The following C10orf71 variants were observed in gnomAD, a reference collection of about 807,000 sequenced individuals.
C10orf71 encodes cardiac-enriched FHL2-interacting protein.
For synonymous variants in C10orf71, 758 were observed against 726.3 expected (o/e 1.04, Z -0.70); for missense variants, 1,869 against 1,804.5 (o/e 1.04, Z -0.65).
At position 49,323,462 on chromosome 10, in the gene C10orf71, A is replaced by G; in HGVS notation, c.917A>G (p.Tyr306Cys). The G allele has an allele frequency of 6.2e-7, 1 of 1,614,038 alleles. No homozygotes were observed. The highest frequency in any genetic ancestry group is 1.1e-5 in the South Asian group (1 of 91,084). Residue 306 changes from tyrosine to cysteine, a missense_variant, in exon 3 of 3, where the codon TAT (tyrosine) becomes TGT (cysteine). Transcript: ENST00000374144. ...TVPESKAPKH[Y>C]GDTTLLREPC... The stretch of plus-strand genomic sequence containing the variant: ...CCAGAAAGCAAAGCTCCCAAGCACT[A>G]TGGGGACACGACCTTGCTAAGAGAA...
At chr10:49,312,719 G>A (rs1688336246) in intron 1 of C10orf71, among the ~76,000 whole-genome samples, 1 of 152,150 alleles carries the variant, frequency 6.6e-6, no homozygotes, top group Admixed American at 6.5e-5. Flanking sequence ...GCTGCTGAGG[G>A]ACACCTTCCC....
chr10:49,320,659 G>C (rs1849079512), intron 2 of C10orf71, among the ~76,000 whole-genome samples: 1 of 152,202 alleles, frequency 6.6e-6, no homozygotes, highest in South Asian at 2.1e-4. Context: ...AAACACCACT[G>C]AACTTCAGGC....
At position 49,323,271 on chromosome 10, in the gene C10orf71, G is replaced by C. The variant is rs763477968; in HGVS notation, c.726G>C (p.Thr242=). The C allele has an allele frequency of 2.5e-6, 4 of 1,613,776 alleles. No individual in the cohort carries two copies. Among genetic ancestry groups the C allele is most frequent in the Non-Finnish European group, 3.4e-6 (4 of 1,179,836 alleles). ...GCTTCCTCCCAGCAGCCAATGACAC[G>C]GCCACCTTATGTGAGTCAAAGTTCC... The part of the protein sequence containing the change: ...SSSFLPAAND[T]ATLCESKFPS... Residue 242 remains threonine, a synonymous_variant, in exon 3 of 3, where the codon ACG becomes ACC. Transcript: ENST00000374144.
In C10orf71 at chr10:49,325,362, G is replaced by T. The variant is rs537581571; in HGVS notation, c.2817G>T (p.Gly939=). 1.9e-6 allele frequency: 3 copies of T among 1,551,736 alleles called. No homozygotes were observed. In the East Asian group the frequency reaches 7.3e-5, roughly 38 times the overall value. ...CCAACGAGGTCATGGAGGACCCTGG[G>T]CAGGGGTCGAGCATGGCCAGGATGG... is the stretch of plus-strand genomic sequence containing the variant. ...CMANEVMEDP[G]QGSSMARMEA... is the part of the protein sequence containing the mutation. Residue 939 remains glycine (G), a synonymous_variant, in exon 3 of 3, where the codon GGG becomes GGT. Transcript: ENST00000374144.
At chr10:49,322,107 T>C (rs1415131422) in intron 2 of C10orf71, among the ~76,000 whole-genome samples, 1 of 152,250 alleles carries the variant, frequency 6.6e-6, no homozygotes, top group African/African-American at 2.4e-5. Flanking sequence ...TTGTTTGTGT[T>C]GCTTGCGAAC....
rs758897625 is a variant in C10orf71, at chr10:49,323,157, C to T, written c.612C>T (p.Asn204=). 11 of 1,613,848 alleles carry T rather than the reference C, an allele frequency of 6.8e-6. No individual in the cohort carries two copies. The highest frequency in any genetic ancestry group is 3.3e-5 in the Admixed American group (2 of 60,006). Residue 204 remains asparagine, a synonymous_variant, in exon 3 of 3, where the codon AAC becomes AAT. Transcript: ENST00000374144. ...TVRRVPAEVS[N]THQNSYQPGR... The stretch of plus-strand genomic sequence containing the variant: ...GGAGGGTGCCCGCTGAAGTTTCCAA[C>T]ACCCATCAGAACAGCTACCAGCCAG...
In C10orf71 at chr10:49,327,025, A is replaced by G. The variant is rs1241012640; in HGVS notation, c.*172A>G. 6.3e-7 allele frequency: 1 copy of G among 1,577,930 alleles called. No homozygotes were observed. The highest frequency in any genetic ancestry group is 8.6e-7 in the Non-Finnish European group (1 of 1,159,532). ...AGTCCAGAAGGCAGTAGGGATCCCA[A>G]GACGACCTCACCCAAAGGGCTCCCT... On this transcript the variant is annotated 3_prime_UTR_variant, in exon 3 of 3. Transcript: ENST00000374144.
At chr10:49,301,536 T>C (rs2132395479) in intron 1 of C10orf71, among the ~76,000 whole-genome samples, 1 of 152,286 alleles carries the variant, frequency 6.6e-6, no homozygotes, top group East Asian at 1.9e-4. Context: ...TGTTCAGATG[T>C]GTCACCCCCA....
rs546401015 is a variant in C10orf71 at position 49,325,451 on chromosome 10, G to A, written c.2906G>A (p.Arg969Gln). The stretch of plus-strand genomic sequence containing the variant: ...ATGCCTCTGGTGGGAGAGGGGGACC[G>A]GGTGAAGGCACCACCAGATGCTGCA... ...PSMPLVGEGD[R>Q]VKAPPDAAPG... The change falls in exon 3 of 3, where the codon CGG becomes CAG. Residue 969 changes from arginine (R) to glutamine (Q), a missense_variant. Physicochemically the swap from Arg to Gln is conservative, Grantham distance 43. Transcript: ENST00000374144. 1.2e-5 allele frequency: 19 copies of A among 1,550,092 alleles called. No homozygotes were observed. In the East Asian group the frequency reaches 2.0e-4, roughly 16 times the overall value.
upstream of C10orf71, among the ~76,000 whole-genome samples, chr10:49,298,024 G>C (rs544501661): frequency 6.6e-6 from 1 of 152,244 alleles, no homozygotes; most frequent in Non-Finnish European, 1.5e-5. Context: ...TTAGTCTGCA[G>C]GGCAAGGAGG....
chr10:49,321,115 A>G (rs759402673), intron 2 of C10orf71, among the ~76,000 whole-genome samples: 7 of 152,048 alleles, frequency 4.6e-5, no homozygotes, highest in Non-Finnish European at 1.0e-4. Context: ...TTTCAAGCAC[A>G]TAACACAGTA....
At position 49,326,471 on chromosome 10, in the gene C10orf71, AGGTCTCCATCCCGTCCTCCGAGGG is replaced by A. The variant is rs1384020093; in HGVS notation, c.3929_3952del (p.Val1310_Gly1317del). On this transcript the variant is annotated inframe_deletion, in exon 3 of 3. Transcript: ENST00000374144. ...GACCCAGAGACGGGCAAGTATGTCA[AGGTCTCCATCCCGTCCTCCGAGGG>A]GGCCTCCCCAGAGCCGCCCCCACCG... The A allele has an allele frequency of 4.5e-5, 69 of 1,550,176 alleles. No homozygotes were observed. The highest frequency in any genetic ancestry group is 5.7e-5 in the Non-Finnish European group (65 of 1,146,812).
chr10:49,302,555 C>T lies in C10orf71; in HGVS notation c.-248+3322C>T, dbSNP rs114236503. Reference sequence around the variant, plus strand: ...CAGCACGGTAGGTCTTGTGAGCCCCCTCACGGAGGCAGGCGCCGAGGCTTG... The same window carrying T: ...CAGCACGGTAGGTCTTGTGAGCCCCTTCACGGAGGCAGGCGCCGAGGCTTG... On this transcript the variant is annotated intron_variant, in intron 1 of 2. Coordinates refer to ENST00000374144, the MANE Select transcript of C10orf71 (RefSeq NM_001135196.2). Among the ~76,000 whole-genome samples, 411 of 152,326 alleles carry T rather than the reference C, an allele frequency of 2.7e-3. 3 individuals are homozygous for T. Among genetic ancestry groups the T allele is most frequent in the African/African-American group, 9.0e-3 (373 of 41,568 alleles).
intron 1 of C10orf71, among the ~76,000 whole-genome samples, chr10:49,305,129 G>C (rs1004094417): frequency 6.6e-6 from 1 of 152,212 alleles, no homozygotes; most frequent in Non-Finnish European, 1.5e-5. Context: ...GGGGTATGGG[G>C]AATAGAAGGA....
intron 2 of C10orf71, among the ~76,000 whole-genome samples, chr10:49,321,598 C>T (rs7919800): frequency 0.4 from 60,521 of 152,008 alleles, 12,641 homozygotes; most frequent in Non-Finnish European, 0.47. Flanking sequence ...TATAGTAGTT[C>T]TAGTCTTAAT....
intron 1 of C10orf71, among the ~76,000 whole-genome samples, chr10:49,311,041 G>A (rs114625732): frequency 6.6e-6 from 1 of 151,732 alleles, no homozygotes; most frequent in Non-Finnish European, 1.5e-5. Context: ...TTCCCTCTGT[G>A]CAGTGTCCCC....
intron 2 of C10orf71, among the ~76,000 whole-genome samples, chr10:49,318,491 C>G (rs1365364383): frequency 2.0e-5 from 3 of 152,230 alleles, no homozygotes; most frequent in African/African-American, 7.2e-5. Flanking sequence ...TGCAGAGAGG[C>G]CTTCCCAGAG....
In C10orf71 at chr10:49,325,845, C is replaced by T; in HGVS notation, c.3300C>T (p.Ala1100=). The change falls in exon 3 of 3, where the codon GCC becomes GCT. Residue 1100 remains alanine, a synonymous_variant. Coordinates refer to ENST00000374144, the MANE Select transcript of C10orf71 (RefSeq NM_001135196.2). The part of the protein sequence containing the change: ...PEEPNQASPW[A]SSSPARVTRR... ...AGCCTAATCAAGCCAGCCCCTGGGC[C>T]AGCTCCAGTCCTGCCAGGGTCACCC... The T allele has an allele frequency of 6.4e-7, 1 of 1,551,154 alleles. No individual in the cohort carries two copies. Among genetic ancestry groups the T allele is most frequent in the Non-Finnish European group, 8.7e-7 (1 of 1,146,602 alleles).
Position 49,324,210 on chromosome 10 carries a change from G to A in C10orf71, c.1665G>A (p.Glu555=). The change falls in exon 3 of 3, where the codon GAG becomes GAA. Residue 555 remains glutamate, a synonymous_variant. Coordinates refer to ENST00000374144, the MANE Select transcript of C10orf71 (RefSeq NM_001135196.2). ...PNGLEESPPN[E]LSKERPADDP... is the part of the protein sequence containing the mutation. ...GGCTTGAGGAAAGCCCTCCAAATGA[G>A]CTTTCTAAGGAGAGACCCGCTGATG... is the stretch of plus-strand genomic sequence containing the variant. 6.2e-7 allele frequency: 1 copy of A among 1,613,942 alleles called. No individual in the cohort carries two copies. Among genetic ancestry groups the A allele is most frequent in the Non-Finnish European group, 8.5e-7 (1 of 1,179,886 alleles).
Sources: allele counts gnomAD v4.1 joint callset (sites outside exome capture counted in the v4.1 genomes callset), GRCh38; gene constraint gnomAD v4.1.1; transcripts MANE v1.5; gene names NCBI Gene and HGNC (gene_info 2026-07-23, HGNC 2026-07-21).